KANK3: variants seen among roughly 807,000 people sequenced by gnomAD.
KANK3 encodes the protein KN motif and ankyrin repeat domains 3, also known as KN motif and ankyrin repeat domain-containing protein 3.
KANK3 carries 61 observed loss-of-function variants against 65.4 expected under a neutral mutation model. That is an observed-to-expected ratio of 0.93 (90% CI 0.76 to 1.15). The LOEUF is 1.15. Ranked by LOEUF, KANK3 falls within the 50% of genes most tolerant of loss-of-function variation. The pLI, the probability that KANK3 is intolerant of heterozygous loss-of-function variation, is 0.00. For missense variants in KANK3, 1,187 were observed against 1,178.8 expected, an observed-to-expected ratio of 1.01 and a Z score of -0.10; for synonymous variants, 586 against 543.3, an observed-to-expected ratio of 1.08 and a Z score of -1.09.
Position 8,334,750 on chromosome 19 carries a change from G to A in KANK3, c.1077C>T (p.Arg359=). 1 of 1,526,428 alleles carries A rather than the reference G, an allele frequency of 6.6e-7. No homozygotes were observed. 94.6% of individuals were successfully genotyped at this position (1,526,428 alleles called of 1,614,324 possible). The stretch of plus-strand genomic sequence containing the variant: ...CCCCGCGCTGGTGCTCCAGACTGGC[G>A]CGCAGCAGCTCTAGCTCGCGCTCGG... ...AAAERELELL[R]ASLEHQRGVS... is the part of the protein sequence containing the mutation. The change falls in exon 3 of 11, where the codon CGC becomes CGT. Residue 359 remains arginine (R), a synonymous_variant. Transcript: ENST00000330915.
chr19:8,323,979 C>G (rs945189009), intron 10 of KANK3, among the ~76,000 whole-genome samples: 1 of 152,186 alleles, frequency 6.6e-6, no homozygotes, highest in Non-Finnish European at 1.5e-5. Context: ...TGATAAGAGC[C>G]TCCCTGGCAG....
chr19:8,326,451 C>T (rs867048370), intron 7 of KANK3, among the ~76,000 whole-genome samples: 11 of 143,116 alleles, frequency 7.7e-5, no homozygotes, highest in African/African-American at 2.3e-4. Context: ...CCTGCCAACA[C>T]CTTGATTTCA....
intron 1 of KANK3, among the ~76,000 whole-genome samples, chr19:8,341,478 T>C (rs1970722647): frequency 6.6e-6 from 1 of 152,050 alleles, no homozygotes; most frequent in Non-Finnish European, 1.5e-5. Flanking sequence ...TGGCACAATC[T>C]CAGCTCACTG....
chr19:8,334,874 G>T lies in KANK3; in HGVS notation c.953C>A (p.Ala318Asp). The change falls in exon 3 of 11, where the codon GCC becomes GAC. Residue 318 changes from alanine (A) to aspartate (D), a missense_variant. Ala to Asp is a moderately radical substitution (Grantham distance 126, BLOSUM62 -2). Coordinates refer to ENST00000330915, the MANE Select transcript of KANK3 (RefSeq NM_198471.3). ...GCCGGCCTCCCGGGTCTCCGGCACGGCCTGGGCACCCGCTTCTCGGGTCTC... is the reference window on the plus strand; with the variant it reads ...GCCGGCCTCCCGGGTCTCCGGCACGTCCTGGGCACCCGCTTCTCGGGTCTC... Reference protein sequence around the residue: ...VPETREAGAQAVPETREAGVE... With the variant: ...VPETREAGAQDVPETREAGVE... The T allele has an allele frequency of 6.9e-7, 1 of 1,459,752 alleles. No homozygotes were observed. Among genetic ancestry groups the T allele is most frequent in the Non-Finnish European group, 9.0e-7 (1 of 1,115,706 alleles). 90.4% of individuals were successfully genotyped at this position (1,459,752 alleles called of 1,614,324 possible). A position where few individuals can be genotyped will look rare whatever the true frequency, so the allele number is the denominator to read the frequency against.
chr19:8,333,727 G>C lies in KANK3; in HGVS notation c.1716C>G (p.Asp572Glu), dbSNP rs1475980001. 7 of 1,456,232 alleles carry C rather than the reference G, an allele frequency of 4.8e-6. No individual in the cohort carries two copies. In the African/African-American group the frequency reaches 1.0e-4, roughly 21 times the overall value. 90.2% of individuals were successfully genotyped at this position (1,456,232 alleles called of 1,614,324 possible). The stretch of plus-strand genomic sequence containing the variant: ...GCTGCGCTCCCGGGGCACTCACGCC[G>C]TCGCTGGCTACTCCGCGGGGCCGGC... The part of the protein sequence containing the change: ...QLSRPRGVAS[D>E]GGAVRLVAQE... Residue 572 changes from aspartate to glutamate, a missense_variant, in exon 6 of 11, where the codon GAC becomes GAG. Physicochemically the swap from Asp to Glu is conservative, Grantham distance 45 (BLOSUM62 2). Transcript: ENST00000330915. This position sits in a 1 kb window ranked among gnomAD's most constrained non-coding sequence, Gnocchi z 5.0.
In KANK3 at chr19:8,324,193, G is replaced by A. The variant is rs1247946219; in HGVS notation, c.2382+256C>T. Reference sequence around the variant, plus strand: ...AATCCCAGCACTTGAGGATGCTGAGGCAGAAGGATCCCTTGAGCTCAGGAG... The same window carrying A: ...AATCCCAGCACTTGAGGATGCTGAGACAGAAGGATCCCTTGAGCTCAGGAG... On this transcript the variant is annotated intron_variant, in intron 10 of 10. Transcript: ENST00000330915. 7.2e-5 allele frequency among the ~76,000 whole-genome samples: 11 copies of A among 152,276 alleles called. 1 individual carries two copies. In the South Asian group the frequency reaches 2.1e-3, roughly 29 times the overall value.
chr19:8,329,170 CAA>C lies in KANK3; in HGVS notation c.1936+3842_1936+3843del, dbSNP rs35053290. 3.7e-3 allele frequency among the ~76,000 whole-genome samples: 330 copies of C among 90,164 alleles called. 2 individuals are homozygous for C. The highest frequency in any genetic ancestry group is 8.7e-3 in the African/African-American group (201 of 23,122). The allele number at this position is 90,164 out of a possible 152,430, so 59.2% of individuals were successfully genotyped here. On this transcript the variant is annotated intron_variant, in intron 7 of 10. Coordinates refer to ENST00000330915, the MANE Select transcript of KANK3 (RefSeq NM_198471.3). ...TGGGTGACAGAGCGAGACTCCATCT[CAA>C]AAAAAAAAAAAAAAAGGAAATTGAC...
At chr19:8,342,481 G>A (rs1391950516) in intron 1 of KANK3, among the ~76,000 whole-genome samples, 1 of 152,186 alleles carries the variant, frequency 6.6e-6, no homozygotes, top group Non-Finnish European at 1.5e-5. Flanking sequence ...CCCCTCATTA[G>A]GCCGTCAGAG....
At position 8,337,810 on chromosome 19, in the gene KANK3, T is replaced by C; in HGVS notation, c.19A>G (p.Asn7Asp). ...GCACACTCACCGGGCAGGTTCTGAT[T>C]CAGGGCAAACTTGGCCATGTTTCCT... is the stretch of plus-strand genomic sequence containing the variant. MAKFAL[N>D]QNLPDLGGPR... Residue 7 changes from asparagine to aspartate, a missense_variant, in exon 2 of 11, where the codon AAT becomes GAT. By Grantham distance (23) the Asn-to-Asp change is conservative. Coordinates refer to ENST00000330915, the MANE Select transcript of KANK3 (RefSeq NM_198471.3). 1.2e-6 allele frequency: 2 copies of C among 1,613,412 alleles called. No homozygotes were observed. Among genetic ancestry groups the C allele is most frequent in the South Asian group, 2.2e-5 (2 of 91,078 alleles).
chr19:8,335,835 G>A lies in KANK3; in HGVS notation c.35-43C>T, dbSNP rs189951929. 1.9e-5 allele frequency: 23 copies of A among 1,208,228 alleles called. No homozygotes were observed. The African/African-American group carries it at 3.3e-4, about 17-fold the overall frequency. 74.8% of individuals were successfully genotyped at this position (1,208,228 alleles called of 1,614,324 possible). On this transcript the variant is annotated intron_variant, in intron 2 of 10. Transcript: ENST00000330915. Reference sequence around the variant, plus strand: ...GCACGGGGAGGGCGCATCAGAACGGGGAAACCCGGGAGATACTAAACAAAC... The same window carrying A: ...GCACGGGGAGGGCGCATCAGAACGGAGAAACCCGGGAGATACTAAACAAAC...
chr19:8,335,417 G>C lies in KANK3; in HGVS notation c.410C>G (p.Thr137Ser), dbSNP rs1259525052. Reference protein sequence around the residue: ...NPRVEHTLRETSRRLELAQTH... With the variant: ...NPRVEHTLRESSRRLELAQTH... Reference sequence around the variant, plus strand: ...CTGCGCCAGCTCCAGCCGCCGGCTGGTCTCCCGGAGCGTGTGCTCGACGCG... The same window carrying C: ...CTGCGCCAGCTCCAGCCGCCGGCTGCTCTCCCGGAGCGTGTGCTCGACGCG... The change falls in exon 3 of 11, where the codon ACC becomes AGC. Residue 137 changes from threonine to serine, a missense_variant. Coordinates refer to ENST00000330915, the MANE Select transcript of KANK3 (RefSeq NM_198471.3). 19 of 1,206,696 alleles carry C rather than the reference G, an allele frequency of 1.6e-5. No homozygotes were observed. Among genetic ancestry groups the C allele is most frequent in the Non-Finnish European group, 2.0e-5 (19 of 971,532 alleles). 74.7% of individuals were successfully genotyped at this position (1,206,696 alleles called of 1,614,324 possible). A position where few individuals can be genotyped will look rare whatever the true frequency, so the allele number is the denominator to read the frequency against.
rs1311344361 is a variant in KANK3, at chr19:8,335,108, C to A, written c.719G>T (p.Arg240Leu). 4 of 1,285,220 alleles carry A rather than the reference C, an allele frequency of 3.1e-6. No individual in the cohort carries two copies. The highest frequency in any genetic ancestry group is 1.6e-5 in the African/African-American group (1 of 64,084). 79.6% of individuals were successfully genotyped at this position (1,285,220 alleles called of 1,614,324 possible). A position where few individuals can be genotyped will look rare whatever the true frequency, so the allele number is the denominator to read the frequency against. ...CCGCAGCTGGGCGAGCTTGTCCGGGCGCGTCTCAGCCTCCCCGTCCGGCTC... is the reference window on the plus strand; with the variant it reads ...CCGCAGCTGGGCGAGCTTGTCCGGGAGCGTCTCAGCCTCCCCGTCCGGCTC... ...QPEPDGEAET[R>L]PDKLAQLRRL... The change falls in exon 3 of 11, where the codon CGC becomes CTC. Residue 240 changes from arginine to leucine, a missense_variant. This residue lies in a region of KANK3 where 1,078 missense variants were observed against 1,038.2 expected (regional missense o/e 1.04). Transcript: ENST00000330915.
At chr19:8,340,297 C>T (rs374246306) in intron 1 of KANK3, among the ~76,000 whole-genome samples, 14,455 of 122,678 alleles carry the variant, frequency 0.12, 1,087 homozygotes, top group Middle Eastern at 0.22. Flanking sequence ...TATATACACA[C>T]ACACACACAC....
rs1046376261 is a variant in KANK3 at position 8,327,043 on chromosome 19, T to C, written c.1937-1947A>G. Reference sequence around the variant, plus strand: ...ATATTTCCTGGAGTGGCTGTTTTAATCCCTGTCTCCTGCCATTCTGAAGGC... The same window carrying C: ...ATATTTCCTGGAGTGGCTGTTTTAACCCCTGTCTCCTGCCATTCTGAAGGC... On this transcript the variant is annotated intron_variant, in intron 7 of 10. Transcript: ENST00000330915. Among the ~76,000 whole-genome samples the C allele has an allele frequency of 9.9e-5, 15 of 152,134 alleles. 1 individual carries two copies. In the South Asian group the frequency reaches 3.1e-3, roughly 31 times the overall value.
rs890853 is a variant in KANK3, at chr19:8,334,751, C to A, written c.1076G>T (p.Arg359Leu). Residue 359 changes from arginine (R) to leucine (L), a missense_variant, in exon 3 of 11, where the codon CGC becomes CTC. Arg to Leu is a moderately radical substitution (Grantham distance 102). This residue lies in a region of KANK3 where 1,078 missense variants were observed against 1,038.2 expected (regional missense o/e 1.04). Coordinates refer to ENST00000330915, the MANE Select transcript of KANK3 (RefSeq NM_198471.3). ...AAAERELELLRASLEHQRGVS... is the reference protein window; with the variant it reads ...AAAERELELLLASLEHQRGVS... The stretch of plus-strand genomic sequence containing the variant: ...CCCGCGCTGGTGCTCCAGACTGGCG[C>A]GCAGCAGCTCTAGCTCGCGCTCGGC... 1 of 1,525,322 alleles carries A rather than the reference C, an allele frequency of 6.6e-7. No homozygotes were observed. Among genetic ancestry groups the A allele is most frequent in the South Asian group, 1.2e-5 (1 of 83,034 alleles). 94.5% of individuals were successfully genotyped at this position (1,525,322 alleles called of 1,614,324 possible).
chr19:8,331,629 A>G (rs2972578), intron 7 of KANK3, among the ~76,000 whole-genome samples: 25,006 of 152,078 alleles, frequency 0.16, 2,322 homozygotes, highest in Non-Finnish European at 0.21. Context: ...CCAGTTTATC[A>G]GGGCAAGCAG....
chr19:8,332,571 C>T (rs1970544663), intron 7 of KANK3, among the ~76,000 whole-genome samples: 1 of 151,560 alleles, frequency 6.6e-6, no homozygotes, highest in Non-Finnish European at 1.5e-5. Flanking sequence ...GTAATCCCAG[C>T]ACTTTGGGAG....
In KANK3 at chr19:8,333,952, T is replaced by A; in HGVS notation, c.1592A>T (p.Glu531Val). ...CTGAGGCTCTGCCTCCGCCTCGGGC[T>A]CAGGGTCCCGGATGTCCCCGCCGCT... ...PPSGGDIRDP[E>V]PEAEAEPQQV... Residue 531 changes from glutamate (E) to valine (V), a missense_variant, in exon 5 of 11, where the codon GAG becomes GTG. This residue lies in a region of KANK3 where 1,078 missense variants were observed against 1,038.2 expected (regional missense o/e 1.04). Transcript: ENST00000330915. The surrounding 1 kb of genome is among the most constrained non-coding windows in gnomAD (Gnocchi z 5.0). 6.4e-7 allele frequency: 1 copy of A among 1,569,622 alleles called. No homozygotes were observed.
rs1348452449 is a variant in KANK3, at chr19:8,325,109, AGGG to A, written c.1937-16_1937-14del. 1.2e-6 allele frequency: 2 copies of A among 1,604,932 alleles called. No individual in the cohort carries two copies. The highest frequency in any genetic ancestry group is 1.7e-6 in the Non-Finnish European group (2 of 1,176,822). On this transcript the variant is annotated splice_polypyrimidine_tract_variant and intron_variant, in intron 7 of 10. Transcript: ENST00000330915. ...ACCTCGCAGGCCCCTGGGAGAGAAA[AGGG>A]GGCCGTCCACGGAGATGCCAACACC...
Sources: allele counts gnomAD v4.1 joint callset (sites outside exome capture counted in the v4.1 genomes callset), GRCh38; gene constraint gnomAD v4.1.1; regional missense constraint gnomAD v4.1.1; non-coding constraint Gnocchi (gnomAD v3.1); transcripts MANE v1.5; gene names NCBI Gene and HGNC (gene_info 2026-07-23, HGNC 2026-07-21).